The following ESPNL variants were observed in gnomAD, a reference collection of about 807,000 sequenced individuals.
ESPNL encodes the protein espin like.
A neutral mutation model predicts 46.8 loss-of-function variants in ESPNL; 49 were observed. The ratio of observed to expected loss-of-function variants is 1.05; its 90% CI spans 0.83 to 1.33. The LOEUF is 1.33. Among genes scored for constraint, ESPNL ranks in the 40% most tolerant of loss-of-function variants. ESPNL has a pLI of 0.00. For synonymous variants in ESPNL, 664 were observed against 662.1 expected, an observed-to-expected ratio of 1.00 and a Z score of -0.04; for missense variants, 1,540 against 1,436.6, an observed-to-expected ratio of 1.07 and a Z score of -1.16.
chr2:238,115,320 C>T (rs1277204692), intron 4 of ESPNL, among the ~76,000 whole-genome samples: 1 of 152,234 alleles, frequency 6.6e-6, no homozygotes, highest in Non-Finnish European at 1.5e-5. Context: ...CCCTCGAGGT[C>T]TCAAGCTGAC....
intron 2 of ESPNL, 24 bp downstream of exon 2, chr2:238,102,155 G>A (rs10186290): frequency 9.3e-6 from 14 of 1,506,620 alleles, no homozygotes; most frequent in Middle Eastern, 2.4e-4. Context: ...AGTCCCGCCT[G>A]GGGGGGCAGC....
chr2:238,121,101 GCCAGCCCTGAC>G (rs1320130018), intron 5 of ESPNL, among the ~76,000 whole-genome samples: 1 of 152,172 alleles, frequency 6.6e-6, no homozygotes. Context: ...GCTAGGGAAG[GCCAGCCCTGAC>G]CCTCCCTGGG....
chr2:238,116,086 C>T (rs762733142), intron 4 of ESPNL, among the ~76,000 whole-genome samples: 2 of 152,258 alleles, frequency 1.3e-5, no homozygotes, highest in Non-Finnish European at 2.9e-5. Context: ...GTGAACACAG[C>T]GTTCGCCTAA....
Position 238,107,807 on chromosome 2 carries a change from TCGGACTCA to T in ESPNL, c.693_700del (p.Leu232ThrfsTer4). 6.3e-7 allele frequency: 1 copy of T among 1,597,158 alleles called. No individual in the cohort carries two copies. ...CTTCCCCAGGTCACATTCACCGACATCGGACTCACGGCACGGGACAATGAGGGGGCCAC... is the reference window on the plus strand; with the variant it reads ...CTTCCCCAGGTCACATTCACCGACATCGGCACGGGACAATGAGGGGGCCAC... On this transcript the variant is annotated frameshift_variant, in exon 4 of 9. Transcript: ENST00000343063. LOFTEE classifies it high-confidence loss of function.
rs201161605 is a variant in ESPNL at position 238,126,065 on chromosome 2, ATTGT to A, written c.1102+683_1102+686del. 9.0e-3 allele frequency among the ~76,000 whole-genome samples: 1,266 copies of A among 141,134 alleles called. 23 individuals are homozygous for A. The highest frequency in any genetic ancestry group is 0.031 in the African/African-American group (1,159 of 37,238). 92.6% of individuals were successfully genotyped at this position (141,134 alleles called of 152,430 possible). Reference sequence around the variant, plus strand: ...GATTATGTCTGTGTGTATGTGTGTGATTGTTCATGTGTGTCTGTGTGTGACTATG... The same window carrying A: ...GATTATGTCTGTGTGTATGTGTGTGATCATGTGTGTCTGTGTGTGACTATG... On this transcript the variant is annotated intron_variant, in intron 6 of 8. Transcript: ENST00000343063.
chr2:238,130,999 C>A lies in ESPNL; in HGVS notation c.2285C>A (p.Ala762Asp). 1 of 1,544,338 alleles carries A rather than the reference C, an allele frequency of 6.5e-7. No homozygotes were observed. The highest frequency in any genetic ancestry group is 8.7e-7 in the Non-Finnish European group (1 of 1,145,696). The change falls in exon 9 of 9, where the codon GCC becomes GAC. Residue 762 changes from alanine to aspartate, a missense_variant. By Grantham distance (126) the Ala-to-Asp change is moderately radical (BLOSUM62 -2). Transcript: ENST00000343063. Reference sequence around the variant, plus strand: ...TACACGCCGGCCCTCAAGACAGTGGCCTGCAGGACCCTAGGAGCCCGCCAC... The same window carrying A: ...TACACGCCGGCCCTCAAGACAGTGGACTGCAGGACCCTAGGAGCCCGCCAC... ...SAYTPALKTVACRTLGARHAG... is the reference protein window; with the variant it reads ...SAYTPALKTVDCRTLGARHAG...
In ESPNL at chr2:238,131,247, G is replaced by C. The variant is rs369125834; in HGVS notation, c.2533G>C (p.Gly845Arg). The change falls in exon 9 of 9, where the codon GGG becomes CGG. Residue 845 changes from glycine to arginine, a missense_variant. Transcript: ENST00000343063. ...CGAGCAGTTCCTGCCCCACGTGGAC[G>C]GGGCTCCGGTGCCCTACAGCAGCCT... The part of the protein sequence containing the change: ...SPEQFLPHVD[G>R]APVPYSSLSL... 57 of 1,567,782 alleles carry C rather than the reference G, an allele frequency of 3.6e-5. No homozygotes were observed. Among genetic ancestry groups the C allele is most frequent in the Non-Finnish European group, 4.7e-5 (54 of 1,159,450 alleles).
In ESPNL at chr2:238,104,669, C is replaced by T. The variant is rs765031783; in HGVS notation, c.499C>T (p.Arg167Trp). 6.9e-6 allele frequency: 11 copies of T among 1,594,058 alleles called. No homozygotes were observed. The highest frequency in any genetic ancestry group is 6.8e-5 in the East Asian group (3 of 44,098). The change falls in exon 3 of 9, where the codon CGG becomes TGG. Residue 167 changes from arginine to tryptophan, a missense_variant. By Grantham distance (101) the Arg-to-Trp change is moderately radical (BLOSUM62 -3). Transcript: ENST00000343063. ...TAAHGSSVNR[R>W]TRSGASPLYL... is the part of the protein sequence containing the mutation. ...CCTTCCCTGCAGCAGCGTGAACCGG[C>T]GGACACGCAGTGGCGCCTCCCCACT...
chr2:238,116,805 C>G, intron 4 of ESPNL, 98 bp from the exon 5 acceptor site: 1 of 1,464,684 alleles, frequency 6.8e-7, no homozygotes, highest in Non-Finnish European at 9.3e-7. Flanking sequence ...ATCAGGGCAG[C>G]CTGCGCCATG....
Position 238,116,967 on chromosome 2 carries a change from C to A in ESPNL, c.920C>A (p.Ala307Glu). Reference sequence around the variant, plus strand: ...CTGCGGGATGAAGATGGTTACACGGCGGCAGACCTGGCGGAGTACCATGGA... The same window carrying A: ...CTGCGGGATGAAGATGGTTACACGGAGGCAGACCTGGCGGAGTACCATGGA... ...PSLRDEDGYT[A>E]ADLAEYHGHR... Residue 307 changes from alanine (A) to glutamate (E), a missense_variant, in exon 5 of 9, where the codon GCG becomes GAG. Ala to Glu is a moderately radical substitution (Grantham distance 107). Transcript: ENST00000343063. The A allele has an allele frequency of 1.2e-6, 2 of 1,612,568 alleles. No homozygotes were observed. The highest frequency in any genetic ancestry group is 8.5e-7 in the Non-Finnish European group (1 of 1,179,782).
chr2:238,130,228 A>G lies in ESPNL; in HGVS notation c.1514A>G (p.Asp505Gly), dbSNP rs1692263196. The change falls in exon 9 of 9, where the codon GAT (aspartate) becomes GGT (glycine). Residue 505 changes from aspartate (D) to glycine (G), a missense_variant. Transcript: ENST00000343063. Reference protein sequence around the residue: ...LGPFGELLTEDDLVYLEKQIA... With the variant: ...LGPFGELLTEGDLVYLEKQIA... ...CCCTTTGGGGAGCTGCTGACAGAGGATGACCTGGTCTACCTGGAGAAGCAG... is the reference window on the plus strand; with the variant it reads ...CCCTTTGGGGAGCTGCTGACAGAGGGTGACCTGGTCTACCTGGAGAAGCAG... The G allele has an allele frequency of 1.2e-5, 20 of 1,611,572 alleles. No individual in the cohort carries two copies. The highest frequency in any genetic ancestry group is 1.6e-5 in the Non-Finnish European group (19 of 1,179,414).
chr2:238,112,648 T>C (rs1691738286), intron 4 of ESPNL, among the ~76,000 whole-genome samples: 1 of 152,232 alleles, frequency 6.6e-6, no homozygotes, highest in Non-Finnish European at 1.5e-5. Context: ...TAAATTTTCC[T>C]CTAAGTACTG....
At position 238,131,820 on chromosome 2, in the gene ESPNL, A is replaced by G. The variant is rs2106306205; in HGVS notation, c.*88A>G. ...TTCCTTGCTCACACCCTTGGTGTTC[A>G]GGTGAGCCGGGCAAGGCTGCCTCCA... On this transcript the variant is annotated 3_prime_UTR_variant, in exon 9 of 9. Transcript: ENST00000343063. The G allele has an allele frequency of 2.1e-6, 3 of 1,446,366 alleles. No homozygotes were observed. Among genetic ancestry groups the G allele is most frequent in the South Asian group, 2.7e-5 (2 of 73,396 alleles). The allele number at this position is 1,446,366 out of a possible 1,614,324, so 89.6% of individuals were successfully genotyped here.
rs372283957 is a variant in ESPNL, at chr2:238,104,779, C to T, written c.609C>T (p.Leu203=). Residue 203 remains leucine, a synonymous_variant, in exon 3 of 9, where the codon CTC becomes CTT. Transcript: ENST00000343063. ...DCGADVHLRA[L]DGMSALHAAA... is the part of the protein sequence containing the mutation. ...GCGCTGACGTGCACCTTCGTGCTCT[C>T]GATGGCATGAGCGCCCTGCACGCTG... 1.9e-5 allele frequency: 31 copies of T among 1,596,220 alleles called. No homozygotes were observed. Among genetic ancestry groups the T allele is most frequent in the Middle Eastern group, 2.0e-4 (1 of 5,102 alleles).
intron 4 of ESPNL, among the ~76,000 whole-genome samples, chr2:238,108,927 A>C (rs1345326247): frequency 6.6e-6 from 1 of 152,156 alleles, no homozygotes; most frequent in Non-Finnish European, 1.5e-5. Flanking sequence ...ATGCAGAGGA[A>C]ACCCAATCCC....
chr2:238,128,080 C>T (rs1427866865), intron 7 of ESPNL, among the ~76,000 whole-genome samples: 1 of 152,226 alleles, frequency 6.6e-6, no homozygotes, highest in Non-Finnish European at 1.5e-5. Context: ...ATGGGCAGGG[C>T]CCCGCTGCCA....
chr2:238,125,428 G>A, intron 6 of ESPNL, 44 bp downstream of exon 6: 2 of 1,234,228 alleles, frequency 1.6e-6, no homozygotes, highest in Non-Finnish European at 2.2e-6. Context: ...CATGGGCCTG[G>A]GAGAGGGTGC....
intron 5 of ESPNL, among the ~76,000 whole-genome samples, chr2:238,122,607 C>T (rs527385083): frequency 6.6e-5 from 10 of 152,324 alleles, no homozygotes; most frequent in African/African-American, 2.2e-4. Context: ...CCTCTTTTGT[C>T]TTCCCCAGCA....
intron 5 of ESPNL, among the ~76,000 whole-genome samples, chr2:238,123,287 C>G (rs1421699016): frequency 6.6e-6 from 1 of 152,198 alleles, no homozygotes; most frequent in Non-Finnish European, 1.5e-5. Flanking sequence ...TGTCCCCCAC[C>G]AAGGAAGCAG....
Sources: allele counts gnomAD v4.1 joint callset (sites outside exome capture counted in the v4.1 genomes callset), GRCh38; gene constraint gnomAD v4.1.1; transcripts MANE v1.5; gene names NCBI Gene and HGNC (gene_info 2026-07-23, HGNC 2026-07-21).